KCNJ6: variants seen among roughly 807,000 people sequenced by gnomAD.
KCNJ6 encodes the protein potassium inwardly rectifying channel subfamily J member 6, also known as G protein-activated inward rectifier potassium channel 2.
In KCNJ6, 9 loss-of-function variants were observed where a neutral mutation model predicts 34.2. The ratio of observed to expected loss-of-function variants is 0.26; its 90% CI spans 0.16 to 0.46. KCNJ6 has a LOEUF of 0.46. Among genes scored for constraint, KCNJ6 ranks in the 20% least tolerant of loss-of-function variants. KCNJ6 has a pLI of 1.00. For synonymous variants in KCNJ6, 196 were observed against 207.1 expected (o/e 0.95, Z 0.46); for missense variants, 236 against 531.3 (o/e 0.44, Z 5.46).
At chr21:37,817,706 T>C (rs1027111781) in intron 2 of KCNJ6, among the ~76,000 whole-genome samples, 8 of 152,292 alleles carry the variant, frequency 5.3e-5, no homozygotes, top group Admixed American at 3.9e-4. Flanking sequence ...CCGCGTGGCA[T>C]TGCTGTTGTT....
intron 2 of KCNJ6, among the ~76,000 whole-genome samples, chr21:37,775,799 T>C (rs1223210839): frequency 3.9e-5 from 6 of 152,072 alleles, no homozygotes; most frequent in African/African-American, 1.4e-4. Context: ...CCTCCAACTT[T>C]GTTCTTTTGG....
chr21:37,912,741 T>C (rs116467392), intron 1 of KCNJ6, among the ~76,000 whole-genome samples: 3,535 of 152,320 alleles, frequency 0.023, 141 homozygotes, highest in African/African-American at 0.078. Context: ...TTGAAATAGA[T>C]TGCTCTGTCT....
rs147384734 is a variant in KCNJ6, at chr21:37,801,367, C to G, written c.25+39291G>C. 2.0e-5 allele frequency among the ~76,000 whole-genome samples: 3 copies of G among 152,292 alleles called. No individual in the cohort carries two copies. The East Asian group carries it at 5.8e-4, about 30-fold the overall frequency. Reference sequence around the variant, plus strand: ...TTTCTCCAAGATGCCATCTGGAGAACCCCATCCTGCACAGTTTCAAGCAGC... The same window carrying G: ...TTTCTCCAAGATGCCATCTGGAGAAGCCCATCCTGCACAGTTTCAAGCAGC... On this transcript the variant is annotated intron_variant, in intron 2 of 3. Coordinates refer to ENST00000609713, the MANE Select transcript of KCNJ6 (RefSeq NM_002240.5).
At chr21:37,861,288 T>G (rs2055593693) in intron 1 of KCNJ6, among the ~76,000 whole-genome samples, 1 of 152,186 alleles carries the variant, frequency 6.6e-6, no homozygotes, top group African/African-American at 2.4e-5. Flanking sequence ...AAGGTTTCAG[T>G]GGGGCTGGTT....
intron 1 of KCNJ6, among the ~76,000 whole-genome samples, chr21:37,901,998 A>G (rs1057425380): frequency 6.6e-6 from 1 of 152,192 alleles, no homozygotes; most frequent in Admixed American, 6.5e-5. Context: ...GAGAGAAGTA[A>G]AATAACTCAT....
chr21:37,894,495 T>C (rs1005764904), intron 1 of KCNJ6, among the ~76,000 whole-genome samples: 3 of 152,084 alleles, frequency 2.0e-5, no homozygotes, highest in African/African-American at 7.2e-5. Context: ...AAACCCTGTC[T>C]CTACTAAAAA....
At chr21:37,640,262 C>T (rs548896920) in intron 3 of KCNJ6, among the ~76,000 whole-genome samples, 14 of 152,366 alleles carry the variant, frequency 9.2e-5, no homozygotes, top group African/African-American at 3.1e-4. Context: ...GGCCACACTA[C>T]AGGAGTGGGA....
chr21:37,748,554 G>A (rs1415214108), intron 2 of KCNJ6, among the ~76,000 whole-genome samples: 1 of 152,180 alleles, frequency 6.6e-6, no homozygotes, highest in African/African-American at 2.4e-5. Flanking sequence ...GTGGCAATAT[G>A]AAGGATTCTG....
intron 2 of KCNJ6, among the ~76,000 whole-genome samples, chr21:37,821,421 A>G (rs2055372636): frequency 6.6e-6 from 1 of 152,072 alleles, no homozygotes; most frequent in African/African-American, 2.4e-5. Flanking sequence ...TAGGTTATCC[A>G]TGAAGGACAT....
In KCNJ6 at chr21:37,840,713, G is replaced by C; in HGVS notation, c.-27-4C>G. ...CAGTTTCTTCTTTGTGCTTTTCCTG[G>C]AGGTGAGAAGAAAAGACAATTATCT... On this transcript the variant is annotated splice_polypyrimidine_tract_variant and splice_region_variant and intron_variant, in intron 1 of 3. Coordinates refer to ENST00000609713, the MANE Select transcript of KCNJ6 (RefSeq NM_002240.5). The C allele has an allele frequency of 6.4e-7, 1 of 1,554,810 alleles. No homozygotes were observed. Among genetic ancestry groups the C allele is most frequent in the Non-Finnish European group, 8.8e-7 (1 of 1,130,646 alleles).
chr21:37,650,498 G>A lies in KCNJ6; in HGVS notation c.947-25014C>T, dbSNP rs756895971. Among the ~76,000 whole-genome samples, 5 of 152,146 alleles carry A rather than the reference G, an allele frequency of 3.3e-5. No individual in the cohort carries two copies. In the South Asian group the frequency reaches 1.0e-3, roughly 31 times the overall value. On this transcript the variant is annotated intron_variant, in intron 3 of 3. Coordinates refer to ENST00000609713, the MANE Select transcript of KCNJ6 (RefSeq NM_002240.5). ...GGGCTCTCAACAAAGACGGCAACTG[G>A]ATGGCCACAGCCTCCTCACTGTCCT...
At chr21:37,668,009 T>C (rs1039812222) in intron 3 of KCNJ6, among the ~76,000 whole-genome samples, 3 of 152,148 alleles carry the variant, frequency 2.0e-5, no homozygotes, top group Admixed American at 1.3e-4. Context: ...TCTGATGTCA[T>C]TGGATGCAGT....
At chr21:37,646,980 A>T (rs1219258700) in intron 3 of KCNJ6, among the ~76,000 whole-genome samples, 1 of 152,080 alleles carries the variant, frequency 6.6e-6, no homozygotes, top group African/African-American at 2.4e-5. Context: ...GCCAAGTTTC[A>T]GTTAGTTTAG....
intron 2 of KCNJ6, among the ~76,000 whole-genome samples, chr21:37,800,710 T>C (rs2055265034): frequency 6.6e-6 from 1 of 152,208 alleles, no homozygotes; most frequent in South Asian, 2.1e-4. Context: ...CACATCCTGT[T>C]TGCCATCTTC....
At chr21:37,834,437 C>T (rs1270160467) in intron 2 of KCNJ6, among the ~76,000 whole-genome samples, 2 of 152,208 alleles carry the variant, frequency 1.3e-5, no homozygotes, top group Admixed American at 1.3e-4. Flanking sequence ...TCGTGGCCTG[C>T]ACCTGCAAGC....
intron 3 of KCNJ6, among the ~76,000 whole-genome samples, chr21:37,650,940 C>T (rs1260504263): frequency 2.0e-5 from 3 of 152,172 alleles, no homozygotes; most frequent in South Asian, 2.1e-4. Flanking sequence ...ATTCTATTGC[C>T]ACTCCTTGAA....
chr21:37,747,699 G>A (rs556521101), intron 2 of KCNJ6, among the ~76,000 whole-genome samples: 4 of 152,132 alleles, frequency 2.6e-5, no homozygotes, highest in African/African-American at 9.7e-5. Context: ...TGGCTTTGAG[G>A]GGGGAGGAGG....
At chr21:37,651,968 T>A (rs1215298782) in intron 3 of KCNJ6, among the ~76,000 whole-genome samples, 1 of 152,118 alleles carries the variant, frequency 6.6e-6, no homozygotes, top group African/African-American at 2.4e-5. Flanking sequence ...TTAGGATGAG[T>A]CTTTAGGTTA....
chr21:37,614,778 ATGTG>A lies in KCNJ6; in HGVS notation c.*10377_*10380del, dbSNP rs202062372. On this transcript the variant is annotated 3_prime_UTR_variant, in exon 4 of 4. Transcript: ENST00000609713. ...TGTGTGTATGCATGTGTCTGTGTGT[ATGTG>A]TGTGTGTATGCATGTGTCTGTGTGT... 1.1e-4 allele frequency: 14 copies of A among 122,616 alleles called. No homozygotes were observed. Among genetic ancestry groups the A allele is most frequent in the East Asian group, 5.3e-4 (2 of 3,762 alleles). 7.6% of individuals were successfully genotyped at this position (122,616 alleles called of 1,614,324 possible). A position where few individuals can be genotyped will look rare whatever the true frequency, so the allele number is the denominator to read the frequency against.
Sources: allele counts gnomAD v4.1 joint callset (sites outside exome capture counted in the v4.1 genomes callset), GRCh38; gene constraint gnomAD v4.1.1; transcripts MANE v1.5; gene names NCBI Gene and HGNC (gene_info 2026-07-23, HGNC 2026-07-21).